The following CTXND1 variants were observed in gnomAD, a reference collection of about 807,000 sequenced individuals.
CTXND1 encodes the protein cortexin domain containing 1, also known as cortexin domain-containing 1 protein.
At chr15:80,235,390 G>A (rs531819664) in intron 1 of CTXND1, among the ~76,000 whole-genome samples, 26 of 152,220 alleles carry the variant, frequency 1.7e-4, no homozygotes, top group Non-Finnish European at 3.4e-4. Flanking sequence ...AGGTGCACAC[G>A]TGGCCCTGGT....
intron 1 of CTXND1, among the ~76,000 whole-genome samples, chr15:80,225,732 A>C (rs1484516813): frequency 6.6e-6 from 1 of 152,020 alleles, no homozygotes; most frequent in East Asian, 1.9e-4. Flanking sequence ...GTATGCTATC[A>C]CTCCATAAAA....
chr15:80,208,866 T>C (rs991268231), intron 1 of CTXND1, among the ~76,000 whole-genome samples: 2 of 152,330 alleles, frequency 1.3e-5, no homozygotes, highest in Non-Finnish European at 2.9e-5. Flanking sequence ...TCCGACCCCA[T>C]GCCTGTGCCC....
chr15:80,239,505 C>T (rs948729057), intron 1 of CTXND1, among the ~76,000 whole-genome samples: 2 of 152,202 alleles, frequency 1.3e-5, no homozygotes, highest in Non-Finnish European at 2.9e-5. Context: ...GAGAGACAGG[C>T]GCAGCCTCCC....
At chr15:80,235,065 G>A (rs1389164602) in intron 1 of CTXND1, among the ~76,000 whole-genome samples, 2 of 152,122 alleles carry the variant, frequency 1.3e-5, no homozygotes, top group African/African-American at 4.8e-5. Flanking sequence ...TGCAACCAGG[G>A]CTCTTCCTTT....
chr15:80,230,630 A>C (rs1028881248), intron 1 of CTXND1, among the ~76,000 whole-genome samples: 5 of 152,004 alleles, frequency 3.3e-5, no homozygotes, highest in African/African-American at 1.2e-4. Flanking sequence ...GGAAGCTTAC[A>C]TCACTGATTT....
chr15:80,220,036 T>G (rs901872187), intron 1 of CTXND1, among the ~76,000 whole-genome samples: 7 of 152,144 alleles, frequency 4.6e-5, no homozygotes, highest in African/African-American at 1.7e-4. Flanking sequence ...AATCTTTTCT[T>G]TTATAATTTT....
chr15:80,209,670 T>C (rs1211172440), intron 1 of CTXND1, among the ~76,000 whole-genome samples: 2 of 152,086 alleles, frequency 1.3e-5, no homozygotes, highest in African/African-American at 2.4e-5. Context: ...AATCCAAACA[T>C]AGACCTGGAA....
intron 1 of CTXND1, among the ~76,000 whole-genome samples, chr15:80,241,658 C>T (rs569931144): frequency 1.2e-4 from 19 of 152,168 alleles, no homozygotes; most frequent in Non-Finnish European, 4.4e-5. Flanking sequence ...GCTCTGCGTT[C>T]CACCCTCCCC....
intron 1 of CTXND1, among the ~76,000 whole-genome samples, chr15:80,225,114 C>T (rs77083383): frequency 0.02 from 3,107 of 152,306 alleles, 93 homozygotes; most frequent in African/African-American, 0.07. Flanking sequence ...TTTGCTAACA[C>T]AGATTTCTAG....
intron 1 of CTXND1, among the ~76,000 whole-genome samples, chr15:80,217,021 G>C (rs1039817873): frequency 6.6e-6 from 1 of 152,268 alleles, no homozygotes; most frequent in East Asian, 1.9e-4. Context: ...AGTCACTGGT[G>C]TGTGCAGCGA....
At chr15:80,250,682 G>A (rs1179729314) in intron 1 of CTXND1, among the ~76,000 whole-genome samples, 1 of 152,186 alleles carries the variant, frequency 6.6e-6, no homozygotes, top group African/African-American at 2.4e-5. Flanking sequence ...AAGGACGTAA[G>A]GTTTTGCTTT....
chr15:80,239,859 A>C (rs1196446905), intron 1 of CTXND1, among the ~76,000 whole-genome samples: 1 of 152,078 alleles, frequency 6.6e-6, no homozygotes, highest in Admixed American at 6.5e-5. Context: ...ATCTTGTTTG[A>C]CTGTTAAAAA....
At chr15:80,234,726 C>G (rs1467467633) in intron 1 of CTXND1, among the ~76,000 whole-genome samples, 1 of 152,152 alleles carries the variant, frequency 6.6e-6, no homozygotes, top group Non-Finnish European at 1.5e-5. Flanking sequence ...GATCTGCCAG[C>G]CTTGGCCTCC....
At chr15:80,209,516 G>A (rs976700360) in intron 1 of CTXND1, among the ~76,000 whole-genome samples, 4 of 152,198 alleles carry the variant, frequency 2.6e-5, no homozygotes, top group Admixed American at 6.5e-5. Flanking sequence ...TGACCTAGGC[G>A]AATGAGTGAC....
At chr15:80,208,404 T>G (rs574947027) in intron 1 of CTXND1, among the ~76,000 whole-genome samples, 1 of 152,292 alleles carries the variant, frequency 6.6e-6, no homozygotes, top group Non-Finnish European at 1.5e-5. Flanking sequence ...CTGCACATGC[T>G]GGGGGTGGAA....
At chr15:80,207,256 C>G (rs541115861) in intron 1 of CTXND1, among the ~76,000 whole-genome samples, 1 of 151,814 alleles carries the variant, frequency 6.6e-6, no homozygotes, top group Non-Finnish European at 1.5e-5. Context: ...GACCTTTTCA[C>G]TGTGTCACAA....
chr15:80,204,417 C>T (rs903588574), intron 1 of CTXND1, among the ~76,000 whole-genome samples: 2 of 150,482 alleles, frequency 1.3e-5, no homozygotes, highest in African/African-American at 2.4e-5. Flanking sequence ...ACAAACTGTG[C>T]GCTCATTAGA....
intron 1 of CTXND1, among the ~76,000 whole-genome samples, chr15:80,217,899 T>C (rs545777252): frequency 1.3e-5 from 2 of 152,310 alleles, no homozygotes; most frequent in South Asian, 4.1e-4. Context: ...TTTTTTGAAT[T>C]GTAAAACACC....
At chr15:80,220,413 T>G (rs1055030401) in intron 1 of CTXND1, among the ~76,000 whole-genome samples, 2 of 152,218 alleles carry the variant, frequency 1.3e-5, no homozygotes, top group African/African-American at 2.4e-5. Flanking sequence ...ATTTGTTTAT[T>G]GTCTATCTCT....
Sources: allele counts gnomAD v4.1 joint callset (sites outside exome capture counted in the v4.1 genomes callset), GRCh38; gene constraint gnomAD v4.1.1; transcripts MANE v1.5; gene names NCBI Gene and HGNC (gene_info 2026-07-23, HGNC 2026-07-21).